PLAC9: variants seen among roughly 807,000 people sequenced by gnomAD.
PLAC9 encodes the protein placenta associated 9.
A neutral mutation model predicts 11.5 loss-of-function variants in PLAC9; 12 were observed. The ratio of observed to expected loss-of-function variants is 1.05; its 90% confidence interval spans 0.67 to 1.69. The LOEUF (loss-of-function observed/expected upper bound fraction) is 1.69. Among genes scored for constraint, PLAC9 ranks in the 40% most tolerant of loss-of-function variants. PLAC9 has a pLI of 0.00. For synonymous variants in PLAC9, 62 were observed against 58.1 expected (o/e 1.07, Z -0.31); for missense variants, 132 against 130.5 (o/e 1.01, Z -0.06).
intron 1 of PLAC9, 131 bp from the exon 2 acceptor site, chr10:80,141,951 A>T: frequency 1.9e-6 from 1 of 537,382 alleles, no homozygotes; most frequent in Non-Finnish European, 3.2e-6. Context: ...ACTGACCCCC[A>T]CCTGGGCCGT....
At chr10:80,143,311 G>T (rs1210478818) in intron 2 of PLAC9, among the ~76,000 whole-genome samples, 1 of 148,780 alleles carries the variant, frequency 6.7e-6, no homozygotes, top group Non-Finnish European at 1.5e-5. Flanking sequence ...AAGTGATCTC[G>T]CCTCAACCTC....
chr10:80,135,210 C>G (rs548302986), intron 1 of PLAC9, among the ~76,000 whole-genome samples: 13 of 151,424 alleles, frequency 8.6e-5, no homozygotes, highest in African/African-American at 2.4e-4. Flanking sequence ...TTTTAGTAGA[C>G]ATGAGGTTTC....
In PLAC9 at chr10:80,145,161, G is replaced by A. The variant is rs1845089241; in HGVS notation, c.*251G>A. Reference sequence around the variant, plus strand: ...ACACCCCCACTCCTGTCATTTATAGGGGCAGATGGAGCAGGGGTTGATTCA... The same window carrying A: ...ACACCCCCACTCCTGTCATTTATAGAGGCAGATGGAGCAGGGGTTGATTCA... On this transcript the variant is annotated 3_prime_UTR_variant, in exon 4 of 4. Transcript: ENST00000372263. 7.8e-6 allele frequency: 5 copies of A among 639,304 alleles called. No individual in the cohort carries two copies. The highest frequency in any genetic ancestry group is 3.5e-5 in the South Asian group (2 of 57,314). 39.6% of individuals were successfully genotyped at this position (639,304 alleles called of 1,614,324 possible).
At position 80,144,237 on chromosome 10, in the gene PLAC9, C is replaced by G. The variant is rs781614593; in HGVS notation, c.177C>G (p.Thr59=). ...LDVMEEMVEK[T]VDHLGTEVKG... ...TCCCACTCTAGATGGTAGAGAAGACCGTGGATCACCTGGGGACAGAGGTGA... is the reference window on the plus strand; with the variant it reads ...TCCCACTCTAGATGGTAGAGAAGACGGTGGATCACCTGGGGACAGAGGTGA... Residue 59 remains threonine (T), a synonymous_variant, in exon 3 of 4, where the codon ACC becomes ACG. Transcript: ENST00000372263. 6.2e-7 allele frequency: 1 copy of G among 1,614,144 alleles called. No homozygotes were observed. The highest frequency in any genetic ancestry group is 8.5e-7 in the Non-Finnish European group (1 of 1,180,020).
rs1845078257 is a variant in PLAC9 at position 80,144,495 on chromosome 10, A to C, written c.283+152A>C. On this transcript the variant is annotated intron_variant, in intron 3 of 3. Transcript: ENST00000372263. ...CTGGGGACGGAAGCGGGACGGCATC[A>C]TCCCTGCTCCCCGCCCGCCCCGCCC... 11 of 1,173,952 alleles carry C rather than the reference A, an allele frequency of 9.4e-6. No individual in the cohort carries two copies. In the South Asian group the frequency reaches 1.8e-4, roughly 19 times the overall value. 72.7% of individuals were successfully genotyped at this position (1,173,952 alleles called of 1,614,324 possible).
At chr10:80,144,095 G>A (rs1845071707) in intron 2 of PLAC9, 128 bp from the exon 3 acceptor site, 3 of 1,344,964 alleles carry the variant, frequency 2.2e-6, no homozygotes, top group South Asian at 1.2e-5. Flanking sequence ...GGAAAACCCA[G>A]GTCACTTAGC....
At chr10:80,135,054 C>T (rs1844959031) in intron 1 of PLAC9, among the ~76,000 whole-genome samples, 1 of 149,118 alleles carries the variant, frequency 6.7e-6, no homozygotes, top group Non-Finnish European at 1.5e-5. Flanking sequence ...GAGTCTCGCT[C>T]TGTCTCCCAG....
At position 80,145,015 on chromosome 10, in the gene PLAC9, A is replaced by G. The variant is rs1341088710; in HGVS notation, c.*105A>G. On this transcript the variant is annotated 3_prime_UTR_variant, in exon 4 of 4. Coordinates refer to ENST00000372263, the MANE Select transcript of PLAC9 (RefSeq NM_001012973.3). The stretch of plus-strand genomic sequence containing the variant: ...TTCCTTCCTTAGCTTCATGTGAAAT[A>G]AAAGCTATTCTGGTCTCCTCTGTGT... 2 of 1,403,378 alleles carry G rather than the reference A, an allele frequency of 1.4e-6. No homozygotes were observed. The highest frequency in any genetic ancestry group is 9.9e-7 in the Non-Finnish European group (1 of 1,012,462). 86.9% of individuals were successfully genotyped at this position (1,403,378 alleles called of 1,614,324 possible).
At chr10:80,140,598 G>T (rs1456989691) in intron 1 of PLAC9, among the ~76,000 whole-genome samples, 1 of 152,154 alleles carries the variant, frequency 6.6e-6, no homozygotes, top group South Asian at 2.1e-4. Flanking sequence ...TGCCCCACAG[G>T]CATCTCAGGG....
At chr10:80,135,732 GTTT>G (rs1306401285) in intron 1 of PLAC9, among the ~76,000 whole-genome samples, 1 of 152,108 alleles carries the variant, frequency 6.6e-6, no homozygotes, top group Non-Finnish European at 1.5e-5. Flanking sequence ...ATATTTTGGA[GTTT>G]TTTATAAAAT....
At chr10:80,133,463 C>T (rs1173597418) in intron 1 of PLAC9, among the ~76,000 whole-genome samples, 2 of 152,240 alleles carry the variant, frequency 1.3e-5, no homozygotes, top group African/African-American at 4.8e-5. Context: ...CCTTAAGGAA[C>T]CAGGCAGTCG....
chr10:80,135,690 CT>C (rs1844967924), intron 1 of PLAC9, among the ~76,000 whole-genome samples: 1 of 151,358 alleles, frequency 6.6e-6, no homozygotes, highest in South Asian at 2.1e-4. Context: ...TCCCTGATGG[CT>C]TTTTAGACCA....
At chr10:80,137,622 T>C (rs1844995139) in intron 1 of PLAC9, among the ~76,000 whole-genome samples, 1 of 152,058 alleles carries the variant, frequency 6.6e-6, no homozygotes, top group African/African-American at 2.4e-5. Context: ...GAGTTAAAAT[T>C]TGGAGTCCCA....
intron 1 of PLAC9, among the ~76,000 whole-genome samples, chr10:80,138,877 G>A (rs527930895): frequency 2.0e-5 from 3 of 151,822 alleles, no homozygotes; most frequent in South Asian, 2.1e-4. Flanking sequence ...TTGGATGCCC[G>A]CATCCATGGC....
intron 2 of PLAC9, among the ~76,000 whole-genome samples, chr10:80,142,945 ACTCCTGAGCTCAAG>A (rs1845057574): frequency 6.6e-6 from 1 of 151,952 alleles, no homozygotes; most frequent in South Asian, 2.1e-4. Flanking sequence ...CTGGTCTCGA[ACTCCTGAGCTCAAG>A]CCATCTGCCC....
upstream of PLAC9, among the ~76,000 whole-genome samples, chr10:80,132,152 T>G (rs1251974042): frequency 6.6e-6 from 1 of 150,376 alleles, no homozygotes; most frequent in African/African-American, 2.5e-5. Flanking sequence ...GAGTTACGAT[T>G]TTACCTTTTC....
chr10:80,132,971 A>G (rs953669886), intron 1 of PLAC9, 145 bp downstream of exon 1: 6 of 665,228 alleles, frequency 9.0e-6, no homozygotes, highest in Middle Eastern at 4.4e-4. Flanking sequence ...GGAGGGATGG[A>G]GAGAAAGATT....
chr10:80,143,397 T>C (rs1478213919), intron 2 of PLAC9, among the ~76,000 whole-genome samples: 1 of 119,548 alleles, frequency 8.4e-6, no homozygotes, highest in Non-Finnish European at 1.7e-5. Flanking sequence ...GAATTTTTTT[T>C]TTTTTTTTTT....
intron 3 of PLAC9, among the ~76,000 whole-genome samples, 189 bp downstream of exon 3, chr10:80,144,532 C>A (rs967935407): frequency 5.4e-4 from 81 of 151,384 alleles, no homozygotes; most frequent in African/African-American, 1.8e-3. Flanking sequence ...ACCTGCCACA[C>A]CCGGTGGCTG....
Sources: gnomAD v4.1 joint callset for allele counts (sites outside exome capture counted in the v4.1 genomes callset) on GRCh38, gnomAD v4.1.1 for gene constraint, MANE v1.5 for transcripts, NCBI Gene and HGNC (gene_info 2026-07-23, HGNC 2026-07-21) for gene names.